RANBP2: variants seen among roughly 807,000 people sequenced by gnomAD.
RANBP2 encodes E3 SUMO-protein ligase RanBP2.
RANBP2 carries 57 observed loss-of-function variants against 303.6 expected under a neutral mutation model. That is an observed-to-expected ratio of 0.19 (90% CI 0.15 to 0.23). The LOEUF (loss-of-function observed/expected upper bound fraction) is 0.23, where lower values mean the gene tolerates loss of function less well. Among genes scored for constraint, RANBP2 ranks in the 10% least tolerant of loss-of-function variants. The pLI, the probability that RANBP2 is intolerant of heterozygous loss-of-function variation, is 1.00. For missense variants in RANBP2, 3,138 were observed against 3,780.8 expected, an observed-to-expected ratio of 0.83 and a Z score of 4.46; for synonymous variants, 1,167 against 1,301.5, an observed-to-expected ratio of 0.90 and a Z score of 2.23.
the RANBP2 span, among the ~76,000 whole-genome samples, chr2:108,996,502 C>G: frequency 1.3e-5 from 2 of 152,178 alleles, no homozygotes; most frequent in African/African-American, 4.8e-5. Context: ...ATTAAGCAGG[C>G]CCATTAACGG....
the RANBP2 span, among the ~76,000 whole-genome samples, chr2:109,742,827 G>A: frequency 6.7e-6 from 1 of 148,504 alleles, no homozygotes; most frequent in Non-Finnish European, 1.5e-5. Flanking sequence ...GGACAATGTG[G>A]TATTAGCAGA....
chr2:109,400,237 CAT>C, the RANBP2 span, among the ~76,000 whole-genome samples: 28 of 152,118 alleles, frequency 1.8e-4, no homozygotes, highest in Admixed American at 1.2e-3. Context: ...CACACACACA[CAT>C]ATTACATGGA....
chr2:108,962,398 A>G, the RANBP2 span, among the ~76,000 whole-genome samples: 2 of 152,120 alleles, frequency 1.3e-5, no homozygotes, highest in African/African-American at 2.4e-5. Context: ...AATCGGCCAG[A>G]CGCGGTGGCT....
the RANBP2 span, among the ~76,000 whole-genome samples, chr2:109,707,897 G>A: frequency 1.3e-5 from 2 of 152,196 alleles, no homozygotes; most frequent in Non-Finnish European, 2.9e-5. Flanking sequence ...GCTCTCCTTG[G>A]CTGTATTGCA....
the RANBP2 span, among the ~76,000 whole-genome samples, chr2:109,177,549 TG>T: frequency 6.1e-4 from 92 of 150,134 alleles, no homozygotes; most frequent in African/African-American, 1.2e-3. Context: ...TCACCTGCTC[TG>T]GGGGGGGGCA....
At chr2:109,687,975 TA>T in the RANBP2 span, among the ~76,000 whole-genome samples, 2 of 152,150 alleles carry the variant, frequency 1.3e-5, no homozygotes, top group South Asian at 4.2e-4. Flanking sequence ...CAGGAGATTT[TA>T]ATGATGACAT....
At chr2:108,959,068 C>A in the RANBP2 span, among the ~76,000 whole-genome samples, 17 of 152,302 alleles carry the variant, frequency 1.1e-4, no homozygotes, top group Non-Finnish European at 1.6e-4. Context: ...TGGGTTAGAG[C>A]CAGAAAAACG....
the RANBP2 span, among the ~76,000 whole-genome samples, chr2:109,653,506 C>A: frequency 6.6e-6 from 1 of 152,156 alleles, no homozygotes; most frequent in South Asian, 2.1e-4. Flanking sequence ...GCTGCTGTAG[C>A]TTTTCATCCT....
chr2:109,266,007 A>C, the RANBP2 span, among the ~76,000 whole-genome samples: 1 of 151,978 alleles, frequency 6.6e-6, no homozygotes, highest in Non-Finnish European at 1.5e-5. Context: ...TGTCATGTGC[A>C]TGTGTGTGTA....
chr2:109,526,178 C>T, the RANBP2 span, among the ~76,000 whole-genome samples: 1 of 152,216 alleles, frequency 6.6e-6, no homozygotes, highest in East Asian at 1.9e-4. Context: ...CAGGAAAGCT[C>T]ATCTGCCACC....
the RANBP2 span, among the ~76,000 whole-genome samples, chr2:108,864,897 G>A: frequency 6.6e-6 from 1 of 151,878 alleles, no homozygotes; most frequent in South Asian, 2.1e-4. Flanking sequence ...GGAGTTCAAC[G>A]TTGTACTGAG....
At chr2:108,877,326 G>T in the RANBP2 span, among the ~76,000 whole-genome samples, 1 of 151,588 alleles carries the variant, frequency 6.6e-6, no homozygotes, top group African/African-American at 2.4e-5. Context: ...GAATTAGCCA[G>T]GCGGTGATGG....
the RANBP2 span, chr2:109,129,475 G>T: frequency 6.7e-7 from 1 of 1,494,514 alleles, no homozygotes; most frequent in African/African-American, 1.5e-5. Flanking sequence ...CTGGCTGCCG[G>T]TGGCGGGCTC....
chr2:109,603,420 T>C, the RANBP2 span, among the ~76,000 whole-genome samples: 1 of 152,026 alleles, frequency 6.6e-6, no homozygotes, highest in Admixed American at 6.6e-5. Context: ...TGTGTATTTT[T>C]AGTAGAGATG....
chr2:108,877,322 G>T, the RANBP2 span, among the ~76,000 whole-genome samples: 1 of 151,468 alleles, frequency 6.6e-6, no homozygotes, highest in South Asian at 2.1e-4. Context: ...AACAGAATTA[G>T]CCAGGCGGTG....
At chr2:109,567,505 G>A in the RANBP2 span, among the ~76,000 whole-genome samples, 1 of 152,146 alleles carries the variant, frequency 6.6e-6, no homozygotes, top group Admixed American at 6.6e-5. Context: ...TAAAGACAGG[G>A]TAGGAAGGTG....
In RANBP2 at chr2:108,755,173, T is replaced by C. The variant is rs1553490926; in HGVS notation, c.2383-3T>C. 6.2e-7 allele frequency: 1 copy of C among 1,611,924 alleles called. No individual in the cohort carries two copies. The highest frequency in any genetic ancestry group is 8.5e-7 in the Non-Finnish European group (1 of 1,179,848). On this transcript the variant is annotated splice_region_variant and splice_polypyrimidine_tract_variant and intron_variant, in intron 16 of 28. Coordinates refer to ENST00000283195, the MANE Select transcript of RANBP2 (RefSeq NM_006267.5). ...CTGTTTTGTTATTTTTATTTTTTTT[T>C]AGTATTCTCCCAAAACACCACCTCG... is the stretch of plus-strand genomic sequence containing the variant.
chr2:109,142,602 G>A, the RANBP2 span, among the ~76,000 whole-genome samples: 2 of 152,292 alleles, frequency 1.3e-5, no homozygotes, highest in African/African-American at 4.8e-5. Flanking sequence ...GTCACCAGAA[G>A]CCTCTCTGGG....
At chr2:109,340,752 A>C in the RANBP2 span, among the ~76,000 whole-genome samples, 42 of 152,328 alleles carry the variant, frequency 2.8e-4, no homozygotes, top group Non-Finnish European at 4.3e-4. Flanking sequence ...GAAGCACGGA[A>C]GGGCAGATTT....
Sources: allele counts gnomAD v4.1 joint callset (sites outside exome capture counted in the v4.1 genomes callset), GRCh38; gene constraint gnomAD v4.1.1; transcripts MANE v1.5; gene names NCBI Gene and HGNC (gene_info 2026-07-23, HGNC 2026-07-21).